The following INPP4B variants were observed in gnomAD, a reference collection of about 807,000 sequenced individuals.
The protein encoded by INPP4B is inositol polyphosphate 4-phosphatase type II.
A neutral mutation model predicts 122.5 loss-of-function variants in INPP4B; 55 were observed. That is an observed-to-expected ratio of 0.45 (90% confidence interval 0.36 to 0.56). INPP4B has a LOEUF of 0.56. INPP4B is among the 20% of genes least tolerant of loss of function. The probability of loss-of-function intolerance (pLI) is 0.00; values close to 1 mark genes in which losing one functional copy is unlikely to be tolerated. For synonymous variants in INPP4B, 403 were observed against 388.7 expected (o/e 1.04, Z -0.43); for missense variants, 1,000 against 1,097.7 (o/e 0.91, Z 1.26).
intron 9 of INPP4B, among the ~76,000 whole-genome samples, chr4:142,297,986 T>C (rs1759531859): frequency 6.6e-6 from 1 of 152,200 alleles, no homozygotes; most frequent in South Asian, 2.1e-4. Context: ...CTTCCATTAA[T>C]AGATGTTAAA....
At chr4:142,085,836 C>T (rs1002951985) in intron 24 of INPP4B, among the ~76,000 whole-genome samples, 28 of 152,254 alleles carry the variant, frequency 1.8e-4, no homozygotes, top group African/African-American at 5.5e-4. Flanking sequence ...CTGGGTGATA[C>T]GGGCAATTGA....
At chr4:142,250,954 G>C (rs1303696761) in intron 11 of INPP4B, among the ~76,000 whole-genome samples, 1 of 152,080 alleles carries the variant, frequency 6.6e-6, no homozygotes, top group Non-Finnish European at 1.5e-5. Flanking sequence ...TTTTATGTCA[G>C]TAGTTTTTGT....
intron 2 of INPP4B, among the ~76,000 whole-genome samples, chr4:142,558,792 C>CT (rs1729789121): frequency 4.0e-5 from 1 of 25,242 alleles, no homozygotes; most frequent in Non-Finnish European, 8.0e-5. Flanking sequence ...AAGACTCCCT[C>CT]TAAAAAAAAA....
rs1829772073 is a variant in INPP4B at position 142,547,480 on chromosome 4, TC to T, written c.-190-84755del. Among the ~76,000 whole-genome samples, 9 of 152,254 alleles carry T rather than the reference TC, an allele frequency of 5.9e-5. No homozygotes were observed. In the South Asian group the frequency reaches 1.9e-3, roughly 32 times the overall value. ...TGGCTCCAAAACCCTGCACTAATTT[TC>T]TGCAACCCAATTAGCAAAATTTGGC... is the stretch of plus-strand genomic sequence containing the variant. On this transcript the variant is annotated intron_variant, in intron 2 of 25. Transcript: ENST00000262992.
chr4:142,644,393 G>T (rs1394561875), intron 2 of INPP4B, among the ~76,000 whole-genome samples: 1 of 151,860 alleles, frequency 6.6e-6, no homozygotes, highest in African/African-American at 2.4e-5. Flanking sequence ...ATTATCTCAA[G>T]ATCTTTCAAA....
chr4:142,276,115 T>C (rs1403445786), intron 9 of INPP4B, among the ~76,000 whole-genome samples: 4 of 151,844 alleles, frequency 2.6e-5, no homozygotes, highest in African/African-American at 9.7e-5. Context: ...TCCTCCATAA[T>C]GTCTATTTCA....
intron 21 of INPP4B, among the ~76,000 whole-genome samples, chr4:142,119,470 A>G (rs1457448170): frequency 6.6e-6 from 1 of 152,140 alleles, no homozygotes; most frequent in Non-Finnish European, 1.5e-5. Context: ...GCAGCCATAA[A>G]AAAAGATGAG....
Position 142,263,656 on chromosome 4 carries a change from A to ATATATATATG in INPP4B, c.616-3093_616-3092insCATATATATA, listed in dbSNP as rs1741310981. On this transcript the variant is annotated intron_variant, in intron 10 of 25. Coordinates refer to ENST00000262992, the MANE Select transcript of INPP4B (RefSeq NM_001101669.3). ...ATTCGTAAAATATATATATATATAT[A>ATATATATATG]TATATATATATATATATATATATAA... Among the ~76,000 whole-genome samples the ATATATATATG allele has an allele frequency of 5.1e-5, 4 of 78,368 alleles. No homozygotes were observed. In the South Asian group the frequency reaches 1.7e-3, roughly 32 times the overall value. 51.4% of individuals were successfully genotyped at this position (78,368 alleles called of 152,430 possible). A position where few individuals can be genotyped will look rare whatever the true frequency, so the allele number is the denominator to read the frequency against.
intron 12 of INPP4B, among the ~76,000 whole-genome samples, chr4:142,219,715 C>CA (rs1417471518): frequency 1.3e-5 from 2 of 152,226 alleles, no homozygotes; most frequent in African/African-American, 4.8e-5. Context: ...TTCTGGATAC[C>CA]ACCCCTTTAA....
intron 1 of INPP4B, chr4:142,795,367 G>A (rs1012401915): frequency 2.0e-5 from 3 of 151,968 alleles, no homozygotes; most frequent in Admixed American, 2.0e-4. Flanking sequence ...AAGCTTCAAA[G>A]GCAATTGTTC....
intron 25 of INPP4B, chr4:142,029,950 A>G (rs566374659): frequency 2.3e-6 from 3 of 1,317,416 alleles, no homozygotes; most frequent in South Asian, 4.5e-5. Context: ...AAAGAGCAAA[A>G]TAATCCACCT....
chr4:142,433,486 T>C (rs1410918353), intron 3 of INPP4B, among the ~76,000 whole-genome samples: 1 of 152,164 alleles, frequency 6.6e-6, no homozygotes, highest in Non-Finnish European at 1.5e-5. Flanking sequence ...GTAGTTATAG[T>C]TCAGTTATAT....
chr4:142,147,243 T>A (rs1199429986), intron 17 of INPP4B, among the ~76,000 whole-genome samples: 2 of 152,190 alleles, frequency 1.3e-5, no homozygotes, highest in African/African-American at 4.8e-5. Context: ...GATTGTACAT[T>A]TTTTCTCAAA....
At chr4:142,130,464 A>AGGTC (rs1472976795) in intron 18 of INPP4B, among the ~76,000 whole-genome samples, 3 of 152,104 alleles carry the variant, frequency 2.0e-5, no homozygotes, top group African/African-American at 7.2e-5. Flanking sequence ...TAGGGAATGG[A>AGGTC]GGTCGATAGG....
At chr4:142,336,224 T>G (rs1477033062) in intron 7 of INPP4B, among the ~76,000 whole-genome samples, 1 of 152,208 alleles carries the variant, frequency 6.6e-6, no homozygotes, top group Non-Finnish European at 1.5e-5. Context: ...CTCTTGGATA[T>G]GAGACAAGAG....
At chr4:142,728,380 C>A (rs1326377254) in intron 1 of INPP4B, among the ~76,000 whole-genome samples, 8 of 152,152 alleles carry the variant, frequency 5.3e-5, no homozygotes. Context: ...ATCAAGTAGA[C>A]CAACATCTGC....
intron 7 of INPP4B, among the ~76,000 whole-genome samples, chr4:142,398,411 T>A (rs1189515432): frequency 0.077 from 1,078 of 14,030 alleles, 10 homozygotes; most frequent in East Asian, 0.14. Flanking sequence ...AATATATATA[T>A]ATATATATAT....
At chr4:142,157,252 T>C (rs558845092) in intron 17 of INPP4B, among the ~76,000 whole-genome samples, 33 of 152,296 alleles carry the variant, frequency 2.2e-4, no homozygotes, top group African/African-American at 7.7e-4. Context: ...TTGAGAATAA[T>C]GTTAGTGTTT....
chr4:142,433,708 C>T (rs1809822282), intron 3 of INPP4B, among the ~76,000 whole-genome samples: 1 of 152,150 alleles, frequency 6.6e-6, no homozygotes, highest in Non-Finnish European at 1.5e-5. Context: ...ATTAGTACAG[C>T]ACTGTTCACT....
Sources: allele counts gnomAD v4.1 joint callset (sites outside exome capture counted in the v4.1 genomes callset), GRCh38; gene constraint gnomAD v4.1.1; transcripts MANE v1.5; gene names NCBI Gene and HGNC (gene_info 2026-07-23, HGNC 2026-07-21).